The following TMEM232 variants were observed in gnomAD, a reference collection of about 807,000 sequenced individuals.
TMEM232 encodes the protein transmembrane protein 232.
TMEM232 carries 80 observed loss-of-function variants against 78.8 expected under a neutral mutation model. That is an observed-to-expected ratio of 1.01 (90% CI 0.85 to 1.22). The LOEUF is 1.22. Among genes scored for constraint, TMEM232 ranks in the 50% most tolerant of loss-of-function variants. TMEM232 has a pLI of 0.00. For synonymous variants in TMEM232, 297 were observed against 254.3 expected, an observed-to-expected ratio of 1.17 and a Z score of -1.60; for missense variants, 881 against 742.2, an observed-to-expected ratio of 1.19 and a Z score of -2.17.
upstream of TMEM232, among the ~76,000 whole-genome samples, chr5:110,728,891 T>C (rs922520903): frequency 2.0e-5 from 3 of 151,312 alleles, no homozygotes; most frequent in East Asian, 3.9e-4. Flanking sequence ...TTTATTTTAT[T>C]ATTATTTTTT....
intron 10 of TMEM232, among the ~76,000 whole-genome samples, chr5:110,585,419 C>T (rs1778696528): frequency 6.6e-6 from 1 of 152,088 alleles, no homozygotes; most frequent in Admixed American, 6.6e-5. Flanking sequence ...TGGTTAATAA[C>T]TATTTTCCAC....
intron 11 of TMEM232, among the ~76,000 whole-genome samples, chr5:110,544,738 A>G (rs1044565313): frequency 2.6e-5 from 4 of 151,998 alleles, no homozygotes; most frequent in Non-Finnish European, 5.9e-5. Flanking sequence ...AGTGACTCAA[A>G]GTAGTGTCAT....
chr5:110,568,153 T>A (rs1339295723), intron 11 of TMEM232, among the ~76,000 whole-genome samples: 1 of 151,944 alleles, frequency 6.6e-6, no homozygotes, highest in African/African-American at 2.4e-5. Flanking sequence ...TCCCACCAAG[T>A]CAGAGTTCTA....
Position 110,625,373 on chromosome 5 carries a change from A to T in TMEM232, c.662T>A (p.Phe221Tyr), listed in dbSNP as rs1200121837. The change falls in exon 7 of 14, where the codon TTC becomes TAC. Residue 221 changes from phenylalanine (F) to tyrosine (Y), a missense_variant. Coordinates refer to ENST00000455884, the MANE Select transcript of TMEM232 (RefSeq NM_001039763.4). The stretch of plus-strand genomic sequence containing the variant: ...TATAATTTCCGAGGCTTTCAGGATG[A>T]ATTGCACATTTGAAAAGATGTTTGG... The part of the protein sequence containing the change: ...KYPNIFSNVQ[F>Y]ILKASEIIGK... 11 of 1,547,930 alleles carry T rather than the reference A, an allele frequency of 7.1e-6. No homozygotes were observed. Among genetic ancestry groups the T allele is most frequent in the Non-Finnish European group, 7.9e-6 (9 of 1,144,776 alleles).
At chr5:110,543,303 T>C (rs1489175473) in intron 11 of TMEM232, among the ~76,000 whole-genome samples, 1 of 152,212 alleles carries the variant, frequency 6.6e-6, no homozygotes, top group Non-Finnish European at 1.5e-5. Flanking sequence ...TATGATTCTC[T>C]TGTGGGGAGC....
chr5:110,688,260 G>C (rs1181505535), intron 1 of TMEM232, among the ~76,000 whole-genome samples: 1 of 152,150 alleles, frequency 6.6e-6, no homozygotes, highest in East Asian at 1.9e-4. Flanking sequence ...GATAGATGAA[G>C]ATTTTCTTCC....
At chr5:110,594,273 C>T (rs953325781) in intron 10 of TMEM232, among the ~76,000 whole-genome samples, 14 of 152,170 alleles carry the variant, frequency 9.2e-5, no homozygotes, top group Middle Eastern at 3.4e-3. Flanking sequence ...TGCTATCCAG[C>T]CCAGATACTA....
At chr5:110,588,427 A>G (rs1021339263) in intron 10 of TMEM232, among the ~76,000 whole-genome samples, 1 of 152,190 alleles carries the variant, frequency 6.6e-6, no homozygotes, top group African/African-American at 2.4e-5. Context: ...ACAAACTCCC[A>G]GCAAACTGAA....
intron 11 of TMEM232, among the ~76,000 whole-genome samples, chr5:110,564,603 G>A (rs908365210): frequency 1.3e-5 from 2 of 151,844 alleles, no homozygotes; most frequent in Non-Finnish European, 2.9e-5. Context: ...ATTAATTTAC[G>A]ACCAGTAAGA....
intron 12 of TMEM232, among the ~76,000 whole-genome samples, chr5:110,452,370 T>G (rs1035836866): frequency 1.3e-5 from 2 of 152,204 alleles, no homozygotes; most frequent in Non-Finnish European, 2.9e-5. Context: ...AAAAACACAG[T>G]ACAATTTTAT....
chr5:110,516,882 T>TA (rs1768748620), intron 12 of TMEM232, among the ~76,000 whole-genome samples: 1 of 152,194 alleles, frequency 6.6e-6, no homozygotes, highest in Non-Finnish European at 1.5e-5. Flanking sequence ...AGCAGATACT[T>TA]CATTAACAAG....
chr5:110,611,794 G>C (rs1185529918), intron 8 of TMEM232, among the ~76,000 whole-genome samples: 1 of 152,118 alleles, frequency 6.6e-6, no homozygotes. Context: ...AAGGAGACAA[G>C]TTAAAAAGCT....
chr5:110,724,157 G>T (rs1271769840), intron 1 of TMEM232, among the ~76,000 whole-genome samples: 1 of 152,026 alleles, frequency 6.6e-6, no homozygotes, highest in African/African-American at 2.4e-5. Context: ...CTCTTGCATG[G>T]GACTTTATTG....
chr5:110,458,240 C>A (rs769906037), intron 12 of TMEM232, among the ~76,000 whole-genome samples: 2 of 151,584 alleles, frequency 1.3e-5, no homozygotes, highest in Non-Finnish European at 2.9e-5. Context: ...TCTTCCTTTG[C>A]GCAATTTTCT....
chr5:110,612,540 T>TA (rs1782440595), intron 8 of TMEM232, among the ~76,000 whole-genome samples: 1 of 152,144 alleles, frequency 6.6e-6, no homozygotes, highest in Non-Finnish European at 1.5e-5. Flanking sequence ...ATCAAGGATA[T>TA]AAATAATGTG....
At chr5:110,624,273 C>T (rs548408946) in intron 7 of TMEM232, among the ~76,000 whole-genome samples, 1 of 152,142 alleles carries the variant, frequency 6.6e-6, no homozygotes, top group East Asian at 1.9e-4. Context: ...GTTTGCATGG[C>T]ATTTAATAAT....
intron 3 of TMEM232, among the ~76,000 whole-genome samples, chr5:110,392,918 C>A (rs1390625859): frequency 1.3e-5 from 2 of 152,106 alleles, no homozygotes; most frequent in South Asian, 2.1e-4. Context: ...TTCTTTCTGA[C>A]AATAATAATG....
At chr5:110,541,215 C>T (rs926977134) in intron 11 of TMEM232, among the ~76,000 whole-genome samples, 7 of 152,116 alleles carry the variant, frequency 4.6e-5, no homozygotes, top group African/African-American at 1.7e-4. Context: ...AACTTAGCTT[C>T]GGTGGTTAAG....
chr5:110,459,400 A>C (rs1323540834), intron 12 of TMEM232, among the ~76,000 whole-genome samples: 2 of 152,192 alleles, frequency 1.3e-5, no homozygotes, highest in African/African-American at 2.4e-5. Context: ...ACAAAATAAA[A>C]GGTTTTTTAA....
Sources: gnomAD v4.1 joint callset for allele counts (sites outside exome capture counted in the v4.1 genomes callset) on GRCh38, gnomAD v4.1.1 for gene constraint, MANE v1.5 for transcripts, NCBI Gene and HGNC (gene_info 2026-07-23, HGNC 2026-07-21) for gene names.